IDH2: variants seen among roughly 807,000 people sequenced by gnomAD.
IDH2 encodes isocitrate dehydrogenase [NADP], mitochondrial.
Under a neutral mutation model 50.5 loss-of-function variants are expected in IDH2, and 18 were observed. The observed-to-expected ratio is 0.36, with a 90% CI of 0.25 to 0.53. The LOEUF (loss-of-function observed/expected upper bound fraction) is 0.53. IDH2 is among the 20% of genes least tolerant of loss of function. IDH2 has a pLI of 0.92. For synonymous variants in IDH2, 280 were observed against 239.8 expected, an observed-to-expected ratio of 1.17 and a Z score of -1.55; for missense variants, 518 against 610.7, an observed-to-expected ratio of 0.85 and a Z score of 1.60.
intron 5 of IDH2, 76 bp downstream of exon 5, chr15:90,088,283 G>C: frequency 2.5e-6 from 4 of 1,576,220 alleles, no homozygotes; most frequent in Non-Finnish European, 2.6e-6. Context: ...CATTACAGAA[G>C]AAAGGAAAGC....
chr15:90,097,911 T>G (rs1193592722), intron 1 of IDH2, among the ~76,000 whole-genome samples: 1 of 152,150 alleles, frequency 6.6e-6, no homozygotes, highest in African/African-American at 2.4e-5. Context: ...AGGCACTCAC[T>G]CATGGCAAGG....
chr15:90,093,745 G>A (rs1382737204), intron 1 of IDH2, among the ~76,000 whole-genome samples: 1 of 152,102 alleles, frequency 6.6e-6, no homozygotes, highest in Non-Finnish European at 1.5e-5. Context: ...TCAGCTTCCT[G>A]AGTAGCTGGG....
At chr15:90,097,046 A>G (rs1020544949) in intron 1 of IDH2, among the ~76,000 whole-genome samples, 2 of 152,226 alleles carry the variant, frequency 1.3e-5, no homozygotes, top group Non-Finnish European at 2.9e-5. Flanking sequence ...CATAGCAGCA[A>G]TGTTCACAAC....
intron 1 of IDH2, among the ~76,000 whole-genome samples, chr15:90,099,240 C>T (rs893780298): frequency 6.6e-6 from 1 of 152,108 alleles, no homozygotes; most frequent in Non-Finnish European, 1.5e-5. Context: ...ACCCCACTGC[C>T]GAACCTCATC....
At chr15:90,097,784 C>T (rs1013317700) in intron 1 of IDH2, among the ~76,000 whole-genome samples, 7 of 152,146 alleles carry the variant, frequency 4.6e-5, no homozygotes, top group East Asian at 1.9e-4. Flanking sequence ...CTTAACAATA[C>T]TGTACACTGA....
Position 90,090,567 on chromosome 15 carries a change from C to A in IDH2, c.285G>T (p.Gln95His), listed in dbSNP as rs2151551281. 6.2e-7 allele frequency: 1 copy of A among 1,614,188 alleles called. No homozygotes were observed. The highest frequency in any genetic ancestry group is 8.5e-7 in the Non-Finnish European group (1 of 1,180,030). Residue 95 changes from glutamine to histidine, a missense_variant, in exon 3 of 11, where the codon CAG (glutamine) becomes CAT (histidine). Transcript: ENST00000330062. ...GLPNRDQTDD[Q>H]VTIDSALATQ... is the part of the protein sequence containing the mutation. ...TGGCCAGTGCAGAGTCAATGGTGAC[C>A]TGGTCATCAGTCTGGTCACGGTTTG...
In IDH2 at chr15:90,090,531, G is replaced by A; in HGVS notation, c.321C>T (p.Tyr107=). 1.9e-6 allele frequency: 3 copies of A among 1,614,176 alleles called. No homozygotes were observed. The highest frequency in any genetic ancestry group is 2.5e-6 in the Non-Finnish European group (3 of 1,180,034). The change falls in exon 3 of 11, where the codon TAC becomes TAT. Residue 107 remains tyrosine (Y), a synonymous_variant. Coordinates refer to ENST00000330062, the MANE Select transcript of IDH2 (RefSeq NM_002168.4). ...TIDSALATQK[Y]SVAVKCATIT... ...TGGTGGCACACTTGACAGCCACACTGTACTTCTGGGTGGCCAGTGCAGAGT... is the reference window on the plus strand; with the variant it reads ...TGGTGGCACACTTGACAGCCACACTATACTTCTGGGTGGCCAGTGCAGAGT...
Position 90,100,491 on chromosome 15 carries a change from T to G in IDH2, c.115+1785A>C. 1 of 299,068 alleles carries G rather than the reference T, an allele frequency of 3.3e-6. No individual in the cohort carries two copies. Among genetic ancestry groups the G allele is most frequent in the Non-Finnish European group, 4.9e-6 (1 of 202,580 alleles). 18.5% of individuals were successfully genotyped at this position (299,068 alleles called of 1,614,324 possible). A position where few individuals can be genotyped will look rare whatever the true frequency, so the allele number is the denominator to read the frequency against. On this transcript the variant is annotated intron_variant, in intron 1 of 10. Coordinates refer to ENST00000330062, the MANE Select transcript of IDH2 (RefSeq NM_002168.4). The surrounding 1 kb of genome is among the most constrained non-coding windows in gnomAD (Gnocchi z 4.1). ...GGGCAAGAATTAAGAAGTTTCTGGGTTAGGAGTGAAGGAAGGCTAGATAAG... is the reference window on the plus strand; with the variant it reads ...GGGCAAGAATTAAGAAGTTTCTGGGGTAGGAGTGAAGGAAGGCTAGATAAG...
rs10622800 is a variant in IDH2 at position 90,095,472 on chromosome 15, TAAAAAAAAA to T, written c.116-3837_116-3829del. 6.3e-5 allele frequency among the ~76,000 whole-genome samples: 9 copies of T among 143,490 alleles called. No homozygotes were observed. In the South Asian group the frequency reaches 9.0e-4, roughly 14 times the overall value. 94.1% of individuals were successfully genotyped at this position (143,490 alleles called of 152,430 possible). On this transcript the variant is annotated intron_variant, in intron 1 of 10. Coordinates refer to ENST00000330062, the MANE Select transcript of IDH2 (RefSeq NM_002168.4). The stretch of plus-strand genomic sequence containing the variant: ...TTTGAGGACAGCTAATCAAATTTGT[TAAAAAAAAA>T]AAAAAATGAACTATCATAATCAGGA...
In IDH2 at chr15:90,088,284, AAAGG is replaced by A. The variant is rs1900925614; in HGVS notation, c.678+71_678+74del. 6.3e-6 allele frequency: 10 copies of A among 1,578,436 alleles called. No homozygotes were observed. In the East Asian group the frequency reaches 2.0e-4, roughly 32 times the overall value. On this transcript the variant is annotated intron_variant, in intron 5 of 10. Transcript: ENST00000330062. ...CCTAAGAATGAGGCCATTACAGAAG[AAAGG>A]AAAGCCACGAGACAGAGATGAAGAG...
At chr15:90,089,445 G>C (rs745812027) in intron 3 of IDH2, among the ~76,000 whole-genome samples, 1 of 152,164 alleles carries the variant, frequency 6.6e-6, no homozygotes, top group Non-Finnish European at 1.5e-5. Context: ...GACGAAGCCT[G>C]ACAACACACT....
At position 90,085,523 on chromosome 15, in the gene IDH2, G is replaced by A. The variant is rs1900837962; in HGVS notation, c.968-136C>T. On this transcript the variant is annotated intron_variant, in intron 7 of 10. Coordinates refer to ENST00000330062, the MANE Select transcript of IDH2 (RefSeq NM_002168.4). This position sits in a 1 kb window ranked among gnomAD's most constrained non-coding sequence, Gnocchi z 5.5. ...ACTCAGCCTCCCCCAGCTGCAACTGGGAGGACAGGGACTGTTCCAGGTCTC... is the reference window on the plus strand; with the variant it reads ...ACTCAGCCTCCCCCAGCTGCAACTGAGAGGACAGGGACTGTTCCAGGTCTC... 1.4e-6 allele frequency: 1 copy of A among 720,238 alleles called. No homozygotes were observed. Among genetic ancestry groups the A allele is most frequent in the Non-Finnish European group, 2.5e-6 (1 of 402,070 alleles). 44.6% of individuals were successfully genotyped at this position (720,238 alleles called of 1,614,324 possible).
At chr15:90,086,139 G>C (rs1191307262) in intron 7 of IDH2, among the ~76,000 whole-genome samples, 1 of 152,166 alleles carries the variant, frequency 6.6e-6, no homozygotes, top group Admixed American at 6.5e-5. Flanking sequence ...TGTTCGGTGA[G>C]AGGATCCCCA....
chr15:90,085,305 G>C lies in IDH2; in HGVS notation c.1050C>G (p.Thr350=), dbSNP rs11540478. The C allele has an allele frequency of 1.3e-6, 2 of 1,551,826 alleles. No individual in the cohort carries two copies. Among genetic ancestry groups the C allele is most frequent in the South Asian group, 2.4e-5 (2 of 84,292 alleles). Residue 350 remains threonine, a synonymous_variant, in exon 8 of 11, where the codon ACC becomes ACG. Transcript: ENST00000330062. This position sits in a 1 kb window ranked among gnomAD's most constrained non-coding sequence, Gnocchi z 5.5. ...GGTGCTCCCGATAGTGGCGGGTGAC[G>C]GTCCCATGAGCGGCCTCAGCCTCAA... is the stretch of plus-strand genomic sequence containing the variant. ...KTIEAEAAHG[T]VTRHYREHQK...
In IDH2 at chr15:90,098,531, C is replaced by CATGTATGTATGTATGCATGTATGCATGT. The variant is rs138094075; in HGVS notation, c.115+3744_115+3745insACATGCATACATGCATACATACATACAT. 2.2e-5 allele frequency among the ~76,000 whole-genome samples: 3 copies of CATGTATGTATGTATGCATGTATGCATGT among 138,354 alleles called. No individual in the cohort carries two copies. The South Asian group carries it at 6.5e-4, about 30-fold the overall frequency. The allele number at this position is 138,354 out of a possible 152,430, so 90.8% of individuals were successfully genotyped here. A position where few individuals can be genotyped will look rare whatever the true frequency, so the allele number is the denominator to read the frequency against. On this transcript the variant is annotated intron_variant, in intron 1 of 10. Transcript: ENST00000330062. This position sits in a 1 kb window ranked among gnomAD's most constrained non-coding sequence, Gnocchi z 5.1. Reference sequence around the variant, plus strand: ...GTATGTATGTATGTATGTATGCATGCATGTATGTATGTATGTATGTATGTA... The same window carrying CATGTATGTATGTATGCATGTATGCATGT: ...GTATGTATGTATGTATGTATGCATGCATGTATGTATGTATGCATGTATGCATGTATGTATGTATGTATGTATGTATGTA...
chr15:90,088,698 G>A lies in IDH2; in HGVS notation c.423C>T (p.Asn141=), dbSNP rs1900944548. 1 of 1,614,100 alleles carries A rather than the reference G, an allele frequency of 6.2e-7. No individual in the cohort carries two copies. The highest frequency in any genetic ancestry group is 8.5e-7 in the Non-Finnish European group (1 of 1,180,012). Reference sequence around the variant, plus strand: ...CCCGGAAGACAGTCCCCCCCAGGATGTTCCGGATAGTTCCATTGGGACTTT... The same window carrying A: ...CCCGGAAGACAGTCCCCCCCAGGATATTCCGGATAGTTCCATTGGGACTTT... ...MWKSPNGTIR[N]ILGGTVFREP... is the part of the protein sequence containing the mutation. The change falls in exon 4 of 11, where the codon AAC becomes AAT. Residue 141 remains asparagine, a synonymous_variant. Coordinates refer to ENST00000330062, the MANE Select transcript of IDH2 (RefSeq NM_002168.4).
At position 90,098,368 on chromosome 15, in the gene IDH2, G is replaced by C. The variant is rs547211273; in HGVS notation, c.115+3908C>G. Reference sequence around the variant, plus strand: ...CAGGCAGCCAGCCCCAGGCATAACTGCTCCCTCCACATTCCTACCCATGCT... The same window carrying C: ...CAGGCAGCCAGCCCCAGGCATAACTCCTCCCTCCACATTCCTACCCATGCT... On this transcript the variant is annotated intron_variant, in intron 1 of 10. Transcript: ENST00000330062. This position sits in a 1 kb window ranked among gnomAD's most constrained non-coding sequence, Gnocchi z 5.1. 6.6e-6 allele frequency among the ~76,000 whole-genome samples: 1 copy of C among 152,260 alleles called. No homozygotes were observed. The highest frequency in any genetic ancestry group is 2.4e-5 in the African/African-American group (1 of 41,536).
intron 1 of IDH2, among the ~76,000 whole-genome samples, chr15:90,092,238 C>T (rs1230508190): frequency 6.6e-6 from 1 of 152,182 alleles, no homozygotes; most frequent in African/African-American, 2.4e-5. Flanking sequence ...CTGCCCACCA[C>T]CCTGCCACCC....
rs1425022153 is a variant in IDH2, at chr15:90,098,640, G to A, written c.115+3636C>T. On this transcript the variant is annotated intron_variant, in intron 1 of 10. Coordinates refer to ENST00000330062, the MANE Select transcript of IDH2 (RefSeq NM_002168.4). This position sits in a 1 kb window ranked among gnomAD's most constrained non-coding sequence, Gnocchi z 5.1. ...GCTCACTGCAAGCTCCACCTCCTGG[G>A]TTCAGGCAATTCTCCTGCCTCAGCC... Among the ~76,000 whole-genome samples the A allele has an allele frequency of 1.4e-5, 2 of 147,472 alleles. No homozygotes were observed. Among genetic ancestry groups the A allele is most frequent in the Non-Finnish European group, 3.0e-5 (2 of 66,886 alleles).
Sources: gnomAD v4.1 joint callset for allele counts (sites outside exome capture counted in the v4.1 genomes callset) on GRCh38, gnomAD v4.1.1 for gene constraint, Gnocchi (gnomAD v3.1) non-coding constraint, MANE v1.5 for transcripts, NCBI Gene and HGNC (gene_info 2026-07-23, HGNC 2026-07-21) for gene names.